PRSS3: variants seen among roughly 807,000 people sequenced by gnomAD.
PRSS3 encodes serine protease 3, also known as trypsin-3.
Under a neutral mutation model 20.8 loss-of-function variants are expected in PRSS3, and 14 were observed. That is an observed-to-expected ratio of 0.67 (90% CI 0.44 to 1.05). The LOEUF is 1.05. Ranked by LOEUF, PRSS3 falls within the 50% of genes least tolerant of loss-of-function variation. PRSS3 has a pLI of 0.00. For missense variants in PRSS3, 237 were observed against 306.4 expected (o/e 0.77, Z 1.69); for synonymous variants, 91 against 117.6 (o/e 0.77, Z 1.46).
intron 1 of PRSS3, among the ~76,000 whole-genome samples, chr9:33,769,579 G>A (rs1823592018): frequency 6.6e-6 from 1 of 152,254 alleles, no homozygotes; most frequent in African/African-American, 2.4e-5. Flanking sequence ...GGACCAGCCA[G>A]TACAGCGATA....
Position 33,798,407 on chromosome 9 carries a change from G to T in PRSS3, c.455-79G>T, listed in dbSNP as rs936753543. ...TCCAGAGGCAGTGTTCCTCTTCAAT[G>T]TTCCATCCCAGATTATTGTCTCCTT... On this transcript the variant is annotated intron_variant, in intron 3 of 4. Coordinates refer to ENST00000379405, the MANE Select transcript of PRSS3 (RefSeq NM_002771.4). The T allele has an allele frequency of 1.7e-5, 27 of 1,587,720 alleles. No homozygotes were observed. In the African/African-American group the frequency reaches 2.8e-4, roughly 17 times the overall value.
chr9:33,792,919 T>C (rs1471278759), upstream of PRSS3, among the ~76,000 whole-genome samples: 1 of 152,190 alleles, frequency 6.6e-6, no homozygotes, highest in East Asian at 1.9e-4. Flanking sequence ...AAATCTCTAG[T>C]TCAGGATGAA....
At chr9:33,756,728 C>T (rs543891361) in intron 1 of PRSS3, among the ~76,000 whole-genome samples, 2 of 152,260 alleles carry the variant, frequency 1.3e-5, no homozygotes, top group East Asian at 3.9e-4. Context: ...TTTACAGTAT[C>T]CTGTTCTCAT....
upstream of PRSS3, among the ~76,000 whole-genome samples, chr9:33,791,503 C>T (rs140835150): frequency 4.3e-4 from 65 of 152,332 alleles, no homozygotes; most frequent in African/African-American, 1.5e-3. Context: ...TTGTGAGCCT[C>T]AATTTAGAGC....
rs567189706 is a variant in PRSS3 at position 33,767,869 on chromosome 9, C to A, written c.-53+17142C>A. 1.3e-4 allele frequency among the ~76,000 whole-genome samples: 20 copies of A among 152,074 alleles called. 1 individual carries two copies. Among genetic ancestry groups the A allele is most frequent in the African/African-American group, 4.6e-4 (19 of 41,458 alleles). ...GACACAGACACACACAGAAAGAAGA[C>A]CATCTGAAGACACAGGGTGAAAGCG... is the stretch of plus-strand genomic sequence containing the variant. On this transcript the variant is annotated intron_variant, in intron 1 of 5. Transcript: ENST00000342836.
At chr9:33,755,965 T>G (rs1822925468) in intron 1 of PRSS3, among the ~76,000 whole-genome samples, 1 of 152,248 alleles carries the variant, frequency 6.6e-6, no homozygotes, top group Admixed American at 6.5e-5. Flanking sequence ...CGCACTTTTT[T>G]TTCTGTCTAG....
chr9:33,786,244 G>A (rs568447151), intron 1 of PRSS3: 16 of 546,096 alleles, frequency 2.9e-5, no homozygotes, highest in African/African-American at 1.7e-4. Flanking sequence ...CTCCTTCTCC[G>A]GGGATTAGGT....
chr9:33,788,522 G>T (rs1453564830), intron 1 of PRSS3, among the ~76,000 whole-genome samples: 7 of 152,176 alleles, frequency 4.6e-5, no homozygotes, highest in Non-Finnish European at 8.8e-5. Context: ...GAGTCTCACG[G>T]TACCCTACTC....
At chr9:33,789,049 C>T (rs2119049500) in intron 1 of PRSS3, among the ~76,000 whole-genome samples, 1 of 152,250 alleles carries the variant, frequency 6.6e-6, no homozygotes, top group Non-Finnish European at 1.5e-5. Context: ...GCATCTTACT[C>T]CTTGTGTATT....
chr9:33,782,073 A>G (rs1824207327), intron 1 of PRSS3, among the ~76,000 whole-genome samples: 1 of 152,214 alleles, frequency 6.6e-6, no homozygotes, highest in Admixed American at 6.5e-5. Context: ...GGTCTTCTTC[A>G]GGTGCCTCTG....
At chr9:33,767,241 G>C (rs1823474588) in intron 1 of PRSS3, among the ~76,000 whole-genome samples, 1 of 151,992 alleles carries the variant, frequency 6.6e-6, no homozygotes, top group Non-Finnish European at 1.5e-5. Context: ...GATCACCTGA[G>C]GTCAGGAGTT....
intron 1 of PRSS3, chr9:33,786,696 C>T: frequency 2.6e-6 from 2 of 766,368 alleles, no homozygotes; most frequent in Non-Finnish European, 4.8e-6. Flanking sequence ...AATCAGGGCT[C>T]TGAGGCCACA....
At chr9:33,775,047 T>C (rs1057064527) in intron 1 of PRSS3, among the ~76,000 whole-genome samples, 1 of 143,900 alleles carries the variant, frequency 6.9e-6, no homozygotes, top group African/African-American at 2.8e-5. Context: ...AGGCAGGCAA[T>C]TTCTTTCTGT....
upstream of PRSS3, among the ~76,000 whole-genome samples, chr9:33,795,253 T>C (rs1371829253): frequency 6.6e-6 from 1 of 151,966 alleles, no homozygotes; most frequent in Admixed American, 6.6e-5. Flanking sequence ...CTTCTAACCC[T>C]CATCTCCTCG....
At position 33,769,677 on chromosome 9, in the gene PRSS3, T is replaced by C. The variant is rs376853334; in HGVS notation, c.-53+18950T>C. On this transcript the variant is annotated intron_variant, in intron 1 of 5. Coordinates refer to the PRSS3 transcript ENST00000342836. ...ATCTGCCAGGTTGCTACTGCCACCTTGGGCCCAGGGCACACAGATTCAGGG... is the reference window on the plus strand; with the variant it reads ...ATCTGCCAGGTTGCTACTGCCACCTCGGGCCCAGGGCACACAGATTCAGGG... Among the ~76,000 whole-genome samples the C allele has an allele frequency of 5.8e-4, 88 of 152,320 alleles. No individual in the cohort carries two copies. In the South Asian group the frequency reaches 0.017, roughly 30 times the overall value.
intron 1 of PRSS3, among the ~76,000 whole-genome samples, chr9:33,756,280 G>A (rs941411431): frequency 6.6e-6 from 1 of 152,034 alleles, no homozygotes; most frequent in Non-Finnish European, 1.5e-5. Context: ...TCTAATTCCT[G>A]ATCCCTTGTA....
intron 1 of PRSS3, among the ~76,000 whole-genome samples, chr9:33,759,728 C>T (rs1823099714): frequency 6.6e-6 from 1 of 152,158 alleles, no homozygotes; most frequent in Non-Finnish European, 1.5e-5. Context: ...GACTTAGAGA[C>T]AAGGTCAGAG....
chr9:33,783,866 A>G (rs855420), intron 1 of PRSS3, among the ~76,000 whole-genome samples: 143,406 of 148,004 alleles, frequency 0.97, 69,563 homozygotes, highest in Non-Finnish European at 1. Context: ...CTCCAGCCTG[A>G]GCGACAGAGC....
At chr9:33,754,588 G>A (rs1354694188) in intron 1 of PRSS3, among the ~76,000 whole-genome samples, 1 of 151,880 alleles carries the variant, frequency 6.6e-6, no homozygotes, top group African/African-American at 2.4e-5. Context: ...CTAGCACTTT[G>A]GGAGGTCAAG....
Sources: gnomAD v4.1 joint callset for allele counts (sites outside exome capture counted in the v4.1 genomes callset) on GRCh38, gnomAD v4.1.1 for gene constraint, MANE v1.5 for transcripts, NCBI Gene and HGNC (gene_info 2026-07-23, HGNC 2026-07-21) for gene names.